Variants in CNTNAP4 observed in about 807,000 individuals in gnomAD.
CNTNAP4 encodes the protein contactin-associated protein-like 4.
In CNTNAP4, 98 loss-of-function variants were observed where a neutral mutation model predicts 148.4. That is an observed-to-expected ratio of 0.66 (90% CI 0.56 to 0.78). The LOEUF is 0.78. Ranked by LOEUF, CNTNAP4 falls within the 30% of genes least tolerant of loss-of-function variation. The pLI, the probability that CNTNAP4 is intolerant of heterozygous loss-of-function variation, is 0.00. For missense variants in CNTNAP4, 1,935 were observed against 1,565.6 expected (o/e 1.24, Z -3.98); for synonymous variants, 730 against 565.1 (o/e 1.29, Z -4.14).
chr16:76,417,256 A>G (rs1051000447), intron 3 of CNTNAP4, among the ~76,000 whole-genome samples: 5 of 151,234 alleles, frequency 3.3e-5, no homozygotes, highest in African/African-American at 7.3e-5. Context: ...ACTGTTTTCT[A>G]TTTGTTGCAG....
chr16:76,557,824 G>A (rs936473840), intron 23 of CNTNAP4: 1 of 152,170 alleles, frequency 6.6e-6, no homozygotes. Flanking sequence ...CTCTCAAAGT[G>A]TCCCAGGGAC....
chr16:76,340,659 C>T (rs1038670692), intron 2 of CNTNAP4, among the ~76,000 whole-genome samples: 2 of 152,152 alleles, frequency 1.3e-5, no homozygotes, highest in African/African-American at 4.8e-5. Flanking sequence ...TTCCTATGTG[C>T]CAACACCTAT....
rs183136514 is a variant in CNTNAP4 at position 76,343,810 on chromosome 16, A to C, written c.197-11508A>C. Among the ~76,000 whole-genome samples, 251 of 152,284 alleles carry C rather than the reference A, an allele frequency of 1.6e-3. 1 individual carries two copies. The highest frequency in any genetic ancestry group is 6.8e-3 in the Middle Eastern group (2 of 294). ...GTAATAATCAAGAATAAGGCAAACA[A>C]ATCTAAATGTGTTAGTCCCCGGCAA... On this transcript the variant is annotated intron_variant, in intron 2 of 23. Transcript: ENST00000611870.
intron 3 of CNTNAP4, among the ~76,000 whole-genome samples, chr16:76,425,435 A>G (rs550609575): frequency 5.3e-5 from 8 of 152,322 alleles, no homozygotes; most frequent in African/African-American, 1.7e-4. Flanking sequence ...GAGCTGAACA[A>G]TGTTCTAGGT....
chr16:76,292,753 A>G (rs1959164897), intron 1 of CNTNAP4, among the ~76,000 whole-genome samples: 1 of 152,176 alleles, frequency 6.6e-6, no homozygotes, highest in Admixed American at 6.5e-5. Flanking sequence ...TCTTAAGAAA[A>G]CAGACTAGTG....
intron 3 of CNTNAP4, among the ~76,000 whole-genome samples, chr16:76,365,626 C>A (rs762152991): frequency 1.3e-5 from 2 of 151,750 alleles, no homozygotes; most frequent in Non-Finnish European, 2.9e-5. Context: ...GTGGCGGACA[C>A]CTGTAATCCC....
At chr16:76,282,074 A>G (rs923867199) in intron 1 of CNTNAP4, among the ~76,000 whole-genome samples, 3 of 151,898 alleles carry the variant, frequency 2.0e-5, no homozygotes, top group Non-Finnish European at 4.4e-5. Flanking sequence ...TAAGACATGA[A>G]AAGTGTATAA....
chr16:76,401,357 G>T (rs1037079246), intron 3 of CNTNAP4, among the ~76,000 whole-genome samples: 1 of 152,020 alleles, frequency 6.6e-6, no homozygotes, highest in African/African-American at 2.4e-5. Context: ...GGCTGTTATT[G>T]GTGTATAGGA....
chr16:76,510,508 A>G (rs952328739), intron 15 of CNTNAP4, among the ~76,000 whole-genome samples: 2 of 151,250 alleles, frequency 1.3e-5, no homozygotes, highest in South Asian at 4.2e-4. Flanking sequence ...TCTCTTCGGT[A>G]TGTACCTAGG....
intron 15 of CNTNAP4, among the ~76,000 whole-genome samples, chr16:76,518,404 A>G (rs2083331755): frequency 6.6e-6 from 1 of 152,208 alleles, no homozygotes; most frequent in African/African-American, 2.4e-5. Flanking sequence ...CTGGGATTAC[A>G]GGCATGAGCC....
At chr16:76,323,882 A>G (rs957340004) in intron 2 of CNTNAP4, among the ~76,000 whole-genome samples, 1 of 152,192 alleles carries the variant, frequency 6.6e-6, no homozygotes, top group Non-Finnish European at 1.5e-5. Flanking sequence ...CTAGATTATA[A>G]TACTAAATTG....
chr16:76,405,039 A>G lies in CNTNAP4; in HGVS notation c.391-22413A>G, dbSNP rs527819188. ...TAAAATAGATAAATTCAAAAAACTT[A>G]TGACAAATGTATGATAAATGCATGT... On this transcript the variant is annotated intron_variant, in intron 3 of 23. Transcript: ENST00000611870. Among the ~76,000 whole-genome samples the G allele has an allele frequency of 3.3e-5, 5 of 151,864 alleles. No individual in the cohort carries two copies. In the East Asian group the frequency reaches 9.6e-4, roughly 29 times the overall value.
intron 3 of CNTNAP4, among the ~76,000 whole-genome samples, chr16:76,360,959 G>C (rs2013355553): frequency 1.3e-5 from 2 of 151,674 alleles, no homozygotes; most frequent in African/African-American, 4.8e-5. Context: ...TGGAACTACA[G>C]GCGCCTGCCT....
At chr16:76,454,743 C>G (rs905855978) in intron 8 of CNTNAP4, among the ~76,000 whole-genome samples, 9 of 152,132 alleles carry the variant, frequency 5.9e-5, no homozygotes, top group African/African-American at 2.2e-4. Context: ...GTATGCGACA[C>G]TTGATAATTA....
chr16:76,335,613 C>T (rs1963952916), intron 2 of CNTNAP4, among the ~76,000 whole-genome samples: 1 of 152,100 alleles, frequency 6.6e-6, no homozygotes. Flanking sequence ...TGTATGGAAT[C>T]CTCCTTTCAC....
chr16:76,387,560 T>C (rs996901286), intron 3 of CNTNAP4, among the ~76,000 whole-genome samples: 2 of 152,232 alleles, frequency 1.3e-5, no homozygotes, highest in African/African-American at 2.4e-5. Context: ...ATAAAATGTT[T>C]ATAATCAGGC....
chr16:76,336,542 C>T (rs549829417), intron 2 of CNTNAP4, among the ~76,000 whole-genome samples: 1 of 152,162 alleles, frequency 6.6e-6, no homozygotes, highest in South Asian at 2.1e-4. Context: ...AAGATTTAGG[C>T]TTTATTTTAA....
chr16:76,277,599 G>A lies in CNTNAP4; in HGVS notation c.-64G>A. 1 of 1,111,952 alleles carries A rather than the reference G, an allele frequency of 9.0e-7. No individual in the cohort carries two copies. The highest frequency in any genetic ancestry group is 2.5e-5 in the East Asian group (1 of 39,558). The allele number at this position is 1,111,952 out of a possible 1,614,324, so 68.9% of individuals were successfully genotyped here. Reference sequence around the variant, plus strand: ...CAGACAGAGCTGGCAGAGCTACTGAGAAGAGGACTGGAGCGCTCTGAGAGC... The same window carrying A: ...CAGACAGAGCTGGCAGAGCTACTGAAAAGAGGACTGGAGCGCTCTGAGAGC... On this transcript the variant is annotated 5_prime_UTR_variant, in exon 1 of 24. Transcript: ENST00000611870.
intron 2 of CNTNAP4, among the ~76,000 whole-genome samples, chr16:76,338,264 TTCTTCTGC>T (rs2144321277): frequency 6.6e-6 from 1 of 152,302 alleles, no homozygotes; most frequent in Admixed American, 6.5e-5. Context: ...ACAATTTATG[TTCTTCTGC>T]TGCTGCTTCA....
Sources: allele counts gnomAD v4.1 joint callset (sites outside exome capture counted in the v4.1 genomes callset), GRCh38; gene constraint gnomAD v4.1.1; transcripts MANE v1.5; gene names NCBI Gene and HGNC (gene_info 2026-07-23, HGNC 2026-07-21).